The following WDPCP variants were observed in gnomAD, a reference collection of about 807,000 sequenced individuals.
WDPCP encodes WD repeat-containing and planar cell polarity effector protein fritz homolog.
WDPCP carries 71 observed loss-of-function variants against 93.1 expected under a neutral mutation model. That is an observed-to-expected ratio of 0.76 (90% CI 0.63 to 0.93). The LOEUF (loss-of-function observed/expected upper bound fraction) is 0.93. WDPCP is among the 40% of genes least tolerant of loss of function. The pLI is 0.00. For synonymous variants in WDPCP, 315 were observed against 315.0 expected (o/e 1.00, Z 0.00); for missense variants, 844 against 887.4 (o/e 0.95, Z 0.62).
At chr2:63,143,280 T>C (rs1239958056) in intron 17 of WDPCP, among the ~76,000 whole-genome samples, 1 of 152,210 alleles carries the variant, frequency 6.6e-6, no homozygotes, top group Non-Finnish European at 1.5e-5. Flanking sequence ...AATGCCTTTT[T>C]CTGCCCCTTT....
chr2:63,730,624 T>C (rs1212155510), intron 2 of WDPCP, among the ~76,000 whole-genome samples: 1 of 152,094 alleles, frequency 6.6e-6, no homozygotes, highest in Non-Finnish European at 1.5e-5. Flanking sequence ...CCACCATACC[T>C]GGCTAATTTT....
intron 1 of WDPCP, among the ~76,000 whole-genome samples, chr2:63,505,945 G>A (rs1376554768): frequency 1.3e-5 from 2 of 151,964 alleles, no homozygotes; most frequent in African/African-American, 4.8e-5. Context: ...ATCAGAGTAT[G>A]GCAAATAAAA....
chr2:63,130,109 T>C (rs1449141401), intron 17 of WDPCP, among the ~76,000 whole-genome samples: 1 of 152,172 alleles, frequency 6.6e-6, no homozygotes, highest in African/African-American at 2.4e-5. Flanking sequence ...AACAATAATT[T>C]TAGTGAAGTC....
At chr2:63,315,047 A>T (rs1686529406) in intron 12 of WDPCP, among the ~76,000 whole-genome samples, 1 of 152,010 alleles carries the variant, frequency 6.6e-6, no homozygotes, top group African/African-American at 2.4e-5. Context: ...ACAAAAGGAG[A>T]CTCCCAACTA....
Position 63,404,218 on chromosome 2 carries a change from G to A in WDPCP, c.1265C>T (p.Pro422Leu), listed in dbSNP as rs770130590. The A allele has an allele frequency of 6.2e-7, 1 of 1,613,738 alleles. No homozygotes were observed. Among genetic ancestry groups the A allele is most frequent in the Non-Finnish European group, 8.5e-7 (1 of 1,179,802 alleles). The change falls in exon 10 of 18, where the codon CCC becomes CTC. Residue 422 changes from proline to leucine, a missense_variant. Coordinates refer to ENST00000272321, the MANE Select transcript of WDPCP (RefSeq NM_015910.7). Reference protein sequence around the residue: ...NIQLLAEDRLPRETLQFSKLF... With the variant: ...NIQLLAEDRLLRETLQFSKLF... ...TTTACTGAATTGCAGAGTCTCCCTG[G>A]GTAAGCGGTCTTCAGCCAACAGTTG...
chr2:63,486,694 A>G (rs968362830), intron 3 of WDPCP, 108 bp from the exon 4 acceptor site: 2 of 933,698 alleles, frequency 2.1e-6, no homozygotes, highest in South Asian at 1.7e-5. Context: ...TATTAACATT[A>G]CATGCATTAT....
intron 2 of WDPCP, among the ~76,000 whole-genome samples, chr2:63,700,306 A>AAAAAG (rs1558887470): frequency 4.3e-4 from 63 of 146,236 alleles, no homozygotes; most frequent in African/African-American, 8.9e-4. Flanking sequence ...AAAAAAAACA[A>AAAAAG]AAAGAAAAAA....
intron 1 of WDPCP, among the ~76,000 whole-genome samples, chr2:63,819,725 C>A (rs1176840056): frequency 6.6e-6 from 1 of 152,158 alleles, no homozygotes; most frequent in Non-Finnish European, 1.5e-5. Context: ...TAAACTGGGT[C>A]CCCTTCACTT....
intron 9 of WDPCP, among the ~76,000 whole-genome samples, chr2:63,420,959 C>T (rs1695814846): frequency 6.6e-6 from 1 of 152,158 alleles, no homozygotes; most frequent in African/African-American, 2.4e-5. Flanking sequence ...TCTTTGTGCA[C>T]ATGGGCCAGT....
chr2:63,728,037 A>G (rs1226361133), intron 2 of WDPCP, among the ~76,000 whole-genome samples: 1 of 152,208 alleles, frequency 6.6e-6, no homozygotes, highest in Non-Finnish European at 1.5e-5. Flanking sequence ...CAGACATGGT[A>G]CTGTTTATCA....
intron 13 of WDPCP, among the ~76,000 whole-genome samples, chr2:63,262,915 A>G (rs867757771): frequency 1.4e-4 from 21 of 152,198 alleles, no homozygotes; most frequent in Middle Eastern, 3.2e-3. Context: ...CTAAGAGGGC[A>G]AACATTAATA....
At chr2:63,706,600 C>CTTTTTTTTTTTTTTTTTTTTTT (rs896018299) in intron 2 of WDPCP, among the ~76,000 whole-genome samples, 1 of 61,700 alleles carries the variant, frequency 1.6e-5, no homozygotes, top group Non-Finnish European at 3.4e-5. Flanking sequence ...AAATTCTTTT[C>CTTTTTTTTTTTTTTTTTTTTTT]TTTTTTTTTT....
At chr2:63,501,095 G>T (rs763466834) in intron 1 of WDPCP, among the ~76,000 whole-genome samples, 20 of 152,098 alleles carry the variant, frequency 1.3e-4, no homozygotes, top group Admixed American at 4.6e-4. Flanking sequence ...AGCACCCACT[G>T]CAAGTATTCA....
intron 14 of WDPCP, among the ~76,000 whole-genome samples, chr2:63,227,727 A>G (rs185377666): frequency 6.6e-6 from 1 of 152,216 alleles, no homozygotes; most frequent in East Asian, 1.9e-4. Flanking sequence ...AATATGAAAT[A>G]TGATAGTAAT....
chr2:63,177,973 CAATT>C (rs1271551545), intron 14 of WDPCP, among the ~76,000 whole-genome samples: 1 of 152,066 alleles, frequency 6.6e-6, no homozygotes, highest in Non-Finnish European at 1.5e-5. Flanking sequence ...GTGTGTGTAT[CAATT>C]GAGATGATTA....
At chr2:63,470,062 C>T (rs1449291302) in intron 6 of WDPCP, among the ~76,000 whole-genome samples, 2 of 152,146 alleles carry the variant, frequency 1.3e-5, no homozygotes, top group African/African-American at 4.8e-5. Context: ...TTGTGCTCTA[C>T]TTCTCTAGCT....
chr2:63,638,343 A>G (rs1224093129), intron 3 of WDPCP, among the ~76,000 whole-genome samples: 5 of 152,108 alleles, frequency 3.3e-5, no homozygotes, highest in African/African-American at 1.2e-4. Flanking sequence ...ACACACACAC[A>G]CACACATCCA....
At chr2:63,139,027 A>G (rs1015497127) in intron 17 of WDPCP, among the ~76,000 whole-genome samples, 2 of 152,210 alleles carry the variant, frequency 1.3e-5, no homozygotes, top group Non-Finnish European at 2.9e-5. Flanking sequence ...AAATGCTATT[A>G]ATTCACTCCT....
chr2:63,510,848 TGCC>T (rs879432334), intron 1 of WDPCP, among the ~76,000 whole-genome samples: 10 of 151,880 alleles, frequency 6.6e-5, no homozygotes, highest in Non-Finnish European at 1.3e-4. Context: ...TGGTGGCGGG[TGCC>T]TGTAGTCCCA....
Sources: allele counts gnomAD v4.1 joint callset (sites outside exome capture counted in the v4.1 genomes callset), GRCh38; gene constraint gnomAD v4.1.1; transcripts MANE v1.5; gene names NCBI Gene and HGNC (gene_info 2026-07-23, HGNC 2026-07-21).